DPP6: variants seen among roughly 807,000 people sequenced by gnomAD.
DPP6 encodes dipeptidyl peptidase like 6, also known as A-type potassium channel modulatory protein DPP6.
DPP6 carries 69 observed loss-of-function variants against 122.6 expected under a neutral mutation model. The observed-to-expected ratio is 0.56, with a 90% CI of 0.46 to 0.69. The LOEUF (loss-of-function observed/expected upper bound fraction) is 0.69, where lower values mean the gene tolerates loss of function less well. Ranked by LOEUF, DPP6 falls within the 30% of genes least tolerant of loss-of-function variation. The pLI is 0.00. For synonymous variants in DPP6, 418 were observed against 433.1 expected, an observed-to-expected ratio of 0.97 and a Z score of 0.43; for missense variants, 928 against 1,116.9, an observed-to-expected ratio of 0.83 and a Z score of 2.41.
At chr7:154,243,330 G>A (rs1310837162) in intron 1 of DPP6, among the ~76,000 whole-genome samples, 5 of 151,700 alleles carry the variant, frequency 3.3e-5, no homozygotes, top group African/African-American at 1.2e-4. Context: ...CTTTGATGTT[G>A]AAATTTTCAG....
chr7:153,773,660 A>G, the DPP6 span, among the ~76,000 whole-genome samples: 1 of 151,642 alleles, frequency 6.6e-6, no homozygotes, highest in African/African-American at 2.4e-5. Flanking sequence ...GAACTACATC[A>G]AAGTATAAAT....
chr7:154,077,604 T>C (rs1803651257), intron 1 of DPP6, among the ~76,000 whole-genome samples: 1 of 151,908 alleles, frequency 6.6e-6, no homozygotes, highest in Non-Finnish European at 1.5e-5. Context: ...ATTTCAAAAA[T>C]GCTTCCTAGG....
At chr7:154,665,939 A>G (rs1366578386) in intron 6 of DPP6, among the ~76,000 whole-genome samples, 1 of 151,902 alleles carries the variant, frequency 6.6e-6, no homozygotes, top group Non-Finnish European at 1.5e-5. Flanking sequence ...CACAGTCTCA[A>G]AATTGATCCT....
chr7:154,251,279 T>G (rs1326481150), intron 1 of DPP6, among the ~76,000 whole-genome samples: 3 of 152,122 alleles, frequency 2.0e-5, no homozygotes, highest in Non-Finnish European at 4.4e-5. Context: ...ACAGATGGTT[T>G]GGAAGATGAT....
intron 1 of DPP6, among the ~76,000 whole-genome samples, chr7:154,412,584 A>G (rs1816696857): frequency 6.6e-6 from 1 of 152,164 alleles, no homozygotes; most frequent in African/African-American, 2.4e-5. Flanking sequence ...TTGGAGACAC[A>G]ATTCTGTCCA....
At chr7:153,867,248 C>T in the DPP6 span, among the ~76,000 whole-genome samples, 1 of 152,092 alleles carries the variant, frequency 6.6e-6, no homozygotes, top group African/African-American at 2.4e-5. Context: ...GGCAGTATGG[C>T]CATTTTCACG....
chr7:154,149,605 AG>A (rs766578027), intron 1 of DPP6, among the ~76,000 whole-genome samples: 2 of 151,754 alleles, frequency 1.3e-5, no homozygotes, highest in Non-Finnish European at 2.9e-5. Flanking sequence ...ATTATAAAAA[AG>A]TCATATTTAA....
At chr7:154,063,412 C>G (rs573008078) in intron 1 of DPP6, among the ~76,000 whole-genome samples, 1 of 134,150 alleles carries the variant, frequency 7.5e-6, no homozygotes, top group Admixed American at 7.8e-5. Flanking sequence ...CCCTCTTCCG[C>G]CCCTGGCTGT....
At chr7:154,252,235 T>TGTGTGTGTGTGTGCGC (rs60245069) in intron 1 of DPP6, among the ~76,000 whole-genome samples, 10 of 149,448 alleles carry the variant, frequency 6.7e-5, no homozygotes, top group African/African-American at 2.0e-4. Flanking sequence ...TGTGTGTGTG[T>TGTGTGTGTGTGTGCGC]GCGCGCATGC....
rs370162697 is a variant in DPP6 at position 154,193,287 on chromosome 7, GA to G, written c.243+140230del. 2.8e-3 allele frequency among the ~76,000 whole-genome samples: 419 copies of G among 152,282 alleles called. 1 individual carries two copies. The highest frequency in any genetic ancestry group is 9.7e-3 in the African/African-American group (404 of 41,558). On this transcript the variant is annotated intron_variant, in intron 1 of 25. Coordinates refer to ENST00000377770, the MANE Select transcript of DPP6 (RefSeq NM_130797.4). ...GTACAAGACATCTTGGAAGTGATAG[GA>G]AAAAACAGCATTCTCGTGTGTAGTA...
At chr7:154,398,712 A>C (rs1815312231) in intron 1 of DPP6, among the ~76,000 whole-genome samples, 1 of 152,086 alleles carries the variant, frequency 6.6e-6, no homozygotes, top group Non-Finnish European at 1.5e-5. Context: ...TTCACACATC[A>C]CTTGTCTCCC....
chr7:153,881,057 T>A, the DPP6 span, among the ~76,000 whole-genome samples: 3 of 152,234 alleles, frequency 2.0e-5, no homozygotes, highest in Non-Finnish European at 4.4e-5. Flanking sequence ...AAATTTAATA[T>A]GTCGATTCTT....
At chr7:153,767,977 A>C in the DPP6 span, among the ~76,000 whole-genome samples, 1 of 152,092 alleles carries the variant, frequency 6.6e-6, no homozygotes, top group Non-Finnish European at 1.5e-5. Flanking sequence ...AGAACTTGAA[A>C]AGTATTTCAA....
chr7:154,313,714 TAC>T lies in DPP6; in HGVS notation c.244-132491_244-132490del, dbSNP rs1554515600. On this transcript the variant is annotated intron_variant, in intron 1 of 25. Coordinates refer to ENST00000377770, the MANE Select transcript of DPP6 (RefSeq NM_130797.4). ...ATATATATATATATATATATATATA[TAC>T]ACACACACGCACGCACACACACACA... 6.0e-3 allele frequency among the ~76,000 whole-genome samples: 107 copies of T among 17,746 alleles called. 16 individuals carry two copies. Among genetic ancestry groups the T allele is most frequent in the African/African-American group, 0.014 (87 of 6,136 alleles). 11.6% of individuals were successfully genotyped at this position (17,746 alleles called of 152,430 possible).
At chr7:154,406,373 C>T (rs1563616991) in intron 1 of DPP6, among the ~76,000 whole-genome samples, 1 of 152,058 alleles carries the variant, frequency 6.6e-6, no homozygotes, top group Non-Finnish European at 1.5e-5. Context: ...TGAGAACTGG[C>T]TGTGAAATCA....
In DPP6 at chr7:154,760,349, G is replaced by A. The variant is rs1480631694; in HGVS notation, c.884-9068G>A. Among the ~76,000 whole-genome samples, 1 of 151,980 alleles carries A rather than the reference G, an allele frequency of 6.6e-6. No homozygotes were observed. Among genetic ancestry groups the A allele is most frequent in the Non-Finnish European group, 1.5e-5 (1 of 68,002 alleles). ...TGGGCTGTGTGTGCAAATTCAGGGG[G>A]GTGGGGTGGAGGAAATTCAGTCCAT... is the stretch of plus-strand genomic sequence containing the variant. On this transcript the variant is annotated intron_variant, in intron 8 of 25. Transcript: ENST00000377770. The surrounding 1 kb of genome is among the most constrained non-coding windows in gnomAD (Gnocchi z 4.5).
At chr7:153,802,953 C>G in the DPP6 span, among the ~76,000 whole-genome samples, 2 of 151,950 alleles carry the variant, frequency 1.3e-5, no homozygotes, top group Non-Finnish European at 2.9e-5. Context: ...TTCCTCGACC[C>G]TCTGATATGC....
chr7:154,698,711 T>G (rs1485257124), intron 7 of DPP6, among the ~76,000 whole-genome samples: 1 of 152,228 alleles, frequency 6.6e-6, no homozygotes, highest in Non-Finnish European at 1.5e-5. Flanking sequence ...TGTCTTGGTG[T>G]GTAAATAACC....
At chr7:154,382,588 TGCTGC>T (rs1269456014) in intron 1 of DPP6, among the ~76,000 whole-genome samples, 1 of 152,272 alleles carries the variant, frequency 6.6e-6, no homozygotes, top group African/African-American at 2.4e-5. Flanking sequence ...GTTTACTCTG[TGCTGC>T]GCTCAGCGCT....
Sources: gnomAD v4.1 joint callset for allele counts (sites outside exome capture counted in the v4.1 genomes callset) on GRCh38, gnomAD v4.1.1 for gene constraint, Gnocchi (gnomAD v3.1) non-coding constraint, MANE v1.5 for transcripts, NCBI Gene and HGNC (gene_info 2026-07-23, HGNC 2026-07-21) for gene names.